AP3B1: variants seen among roughly 807,000 people sequenced by gnomAD.
The protein encoded by AP3B1 is AP-3 complex subunit beta-1.
Under a neutral mutation model 132.5 loss-of-function variants are expected in AP3B1, and 61 were observed. The observed-to-expected ratio is 0.46, with a 90% CI of 0.37 to 0.57. The LOEUF (loss-of-function observed/expected upper bound fraction) is 0.57, where lower values mean the gene tolerates loss of function less well. AP3B1 is among the 20% of genes least tolerant of loss of function. The pLI is 0.00. For missense variants in AP3B1, 1,120 were observed against 1,289.4 expected, an observed-to-expected ratio of 0.87 and a Z score of 2.01; for synonymous variants, 388 against 438.3, an observed-to-expected ratio of 0.89 and a Z score of 1.43.
intron 22 of AP3B1, among the ~76,000 whole-genome samples, chr5:78,059,313 A>G (rs1382709613): frequency 1.3e-5 from 2 of 152,256 alleles, no homozygotes; most frequent in African/African-American, 4.8e-5. Flanking sequence ...CTAGAGCTCC[A>G]GAAGGAACAT....
In AP3B1 at chr5:78,120,309, A is replaced by C. The variant is rs551080111; in HGVS notation, c.1969-4075T>G. On this transcript the variant is annotated intron_variant, in intron 17 of 26. Transcript: ENST00000255194. The stretch of plus-strand genomic sequence containing the variant: ...CTAACGAGCAAAATAACCAGCTAAC[A>C]TCATAATGACAGGACCAAATTCACA... 4.6e-3 allele frequency among the ~76,000 whole-genome samples: 708 copies of C among 152,332 alleles called. 2 individuals are homozygous for C. The highest frequency in any genetic ancestry group is 0.016 in the African/African-American group (659 of 41,570).
chr5:78,010,032 T>C (rs1276258883), intron 26 of AP3B1, among the ~76,000 whole-genome samples: 1 of 152,198 alleles, frequency 6.6e-6, no homozygotes, highest in Non-Finnish European at 1.5e-5. Flanking sequence ...GATTTCTGAC[T>C]ATGGGTGAAA....
intron 21 of AP3B1, among the ~76,000 whole-genome samples, chr5:78,099,759 C>T (rs1194753245): frequency 6.6e-6 from 1 of 151,734 alleles, no homozygotes; most frequent in Non-Finnish European, 1.5e-5. Flanking sequence ...ATTAGCTGGG[C>T]GTGATGGTAG....
rs191374351 is a variant in AP3B1, at chr5:78,170,866, C to G, written c.1167+4760G>C. On this transcript the variant is annotated intron_variant, in intron 11 of 26. Coordinates refer to ENST00000255194, the MANE Select transcript of AP3B1 (RefSeq NM_003664.5). ...TCTTCTAGGGTTTTTATGGTTTTAG[C>G]TCTAACATTTAAGTCTTTAATCCAT... Among the ~76,000 whole-genome samples the G allele has an allele frequency of 3.5e-3, 535 of 152,180 alleles. 5 individuals are homozygous for G. Among genetic ancestry groups the G allele is most frequent in the African/African-American group, 0.012 (506 of 41,530 alleles).
intron 14 of AP3B1, among the ~76,000 whole-genome samples, chr5:78,154,743 T>G (rs1177471928): frequency 6.6e-6 from 1 of 152,234 alleles, no homozygotes; most frequent in Admixed American, 6.5e-5. Context: ...GAGACTCTGA[T>G]GCAATCTTCA....
chr5:78,162,234 T>G (rs1177072230), intron 13 of AP3B1, among the ~76,000 whole-genome samples: 1 of 152,144 alleles, frequency 6.6e-6, no homozygotes, highest in Non-Finnish European at 1.5e-5. Context: ...CAATATGGGA[T>G]CTAGCTTACA....
intron 9 of AP3B1, among the ~76,000 whole-genome samples, chr5:78,176,289 T>C (rs1170681464): frequency 2.0e-5 from 3 of 152,068 alleles, no homozygotes; most frequent in Non-Finnish European, 4.4e-5. Context: ...GGTATAAGGC[T>C]TCATGTGAAA....
At chr5:78,218,635 G>A (rs1441609660) in intron 6 of AP3B1, among the ~76,000 whole-genome samples, 2 of 152,014 alleles carry the variant, frequency 1.3e-5, no homozygotes, top group Non-Finnish European at 2.9e-5. Context: ...ATCACACTAA[G>A]CAAATGGTTC....
At chr5:78,292,625 A>G (rs1343602465) in intron 1 of AP3B1, among the ~76,000 whole-genome samples, 1 of 152,206 alleles carries the variant, frequency 6.6e-6, no homozygotes, top group Non-Finnish European at 1.5e-5. Flanking sequence ...AATAACCTGC[A>G]GGGTTGTTTA....
At chr5:78,083,805 T>A (rs1472630021) in intron 22 of AP3B1, among the ~76,000 whole-genome samples, 1 of 152,138 alleles carries the variant, frequency 6.6e-6, no homozygotes, top group Admixed American at 6.5e-5. Context: ...AATATATAAT[T>A]AAAAGGATAG....
chr5:78,024,633 C>T (rs563643556), intron 24 of AP3B1, among the ~76,000 whole-genome samples: 118 of 147,558 alleles, frequency 8.0e-4, no homozygotes, highest in Non-Finnish European at 1.4e-3. Flanking sequence ...GGTGCAATCT[C>T]GGCTCACTGC....
intron 21 of AP3B1, among the ~76,000 whole-genome samples, chr5:78,091,971 A>C (rs567379920): frequency 6.6e-6 from 1 of 152,358 alleles, no homozygotes; most frequent in South Asian, 2.1e-4. Context: ...CAGGGAGATT[A>C]ATATTGACAA....
chr5:78,193,847 C>T (rs1358636083), intron 7 of AP3B1, among the ~76,000 whole-genome samples: 2 of 148,588 alleles, frequency 1.3e-5, no homozygotes, highest in Admixed American at 6.8e-5. Flanking sequence ...TGCAAGCTCC[C>T]GGGTTCACGC....
At chr5:78,273,335 A>T (rs914734442) in intron 1 of AP3B1, among the ~76,000 whole-genome samples, 5 of 152,164 alleles carry the variant, frequency 3.3e-5, no homozygotes, top group Non-Finnish European at 4.4e-5. Context: ...CAAGAGGGTA[A>T]GACTGCAATG....
At position 78,209,640 on chromosome 5, in the gene AP3B1, G is replaced by C. The variant is rs575001028; in HGVS notation, c.786+6415C>G. 2.4e-4 allele frequency among the ~76,000 whole-genome samples: 36 copies of C among 152,222 alleles called. No homozygotes were observed. The South Asian group carries it at 2.5e-3, about 11-fold the overall frequency. ...GGCACATGTCATCAGGACCACCTGA[G>C]GCTGCACATGTCACAGGTGCATCCC... is the stretch of plus-strand genomic sequence containing the variant. On this transcript the variant is annotated intron_variant, in intron 7 of 26. Coordinates refer to ENST00000255194, the MANE Select transcript of AP3B1 (RefSeq NM_003664.5).
intron 22 of AP3B1, among the ~76,000 whole-genome samples, chr5:78,049,136 G>A (rs1288032194): frequency 6.6e-6 from 1 of 152,140 alleles, no homozygotes; most frequent in Non-Finnish European, 1.5e-5. Context: ...CTTGATGTGG[G>A]CCAACCTAAC....
intron 23 of AP3B1, among the ~76,000 whole-genome samples, chr5:78,036,773 G>A (rs1048902922): frequency 9.2e-5 from 14 of 152,078 alleles, no homozygotes; most frequent in Non-Finnish European, 2.1e-4. Context: ...ATGTGTATAC[G>A]TTCTTAAAAA....
At chr5:78,221,600 G>C (rs1240465334) in intron 6 of AP3B1, among the ~76,000 whole-genome samples, 1 of 151,694 alleles carries the variant, frequency 6.6e-6, no homozygotes, top group Non-Finnish European at 1.5e-5. Context: ...TTTAAAAGGG[G>C]TATTAAAGAA....
chr5:78,078,376 G>A (rs765211052), intron 22 of AP3B1, among the ~76,000 whole-genome samples: 8 of 152,048 alleles, frequency 5.3e-5, no homozygotes, highest in Non-Finnish European at 1.2e-4. Flanking sequence ...ACAAAGATCT[G>A]ATCACTATCA....
Sources: gnomAD v4.1 joint callset for allele counts (sites outside exome capture counted in the v4.1 genomes callset) on GRCh38, gnomAD v4.1.1 for gene constraint, MANE v1.5 for transcripts, NCBI Gene and HGNC (gene_info 2026-07-23, HGNC 2026-07-21) for gene names.